Variants in DGKB observed in about 807,000 individuals in gnomAD.
DGKB encodes the protein diacylglycerol kinase beta.
A neutral mutation model predicts 114.3 loss-of-function variants in DGKB; 67 were observed. The observed-to-expected ratio is 0.59, with a 90% CI of 0.48 to 0.72. The LOEUF (loss-of-function observed/expected upper bound fraction) is 0.72. Ranked by LOEUF, DGKB falls within the 30% of genes least tolerant of loss-of-function variation. The pLI is 0.00. For missense variants in DGKB, 907 were observed against 975.2 expected, an observed-to-expected ratio of 0.93 and a Z score of 0.93; for synonymous variants, 398 against 323.1, an observed-to-expected ratio of 1.23 and a Z score of -2.49.
intron 20 of DGKB, among the ~76,000 whole-genome samples, chr7:14,491,602 T>C (rs1784606283): frequency 6.6e-6 from 1 of 152,126 alleles, no homozygotes. Context: ...TAGCATCCAA[T>C]ATTTCCTAAA....
At chr7:14,367,059 A>G (rs114955149) in intron 21 of DGKB, among the ~76,000 whole-genome samples, 35 of 152,262 alleles carry the variant, frequency 2.3e-4, no homozygotes, top group African/African-American at 7.2e-4. Context: ...TTCCCAGGCT[A>G]GAGACATGCG....
At chr7:14,165,336 G>A (rs1784462474) in intron 25 of DGKB, among the ~76,000 whole-genome samples, 1 of 152,120 alleles carries the variant, frequency 6.6e-6, no homozygotes, top group Non-Finnish European at 1.5e-5. Flanking sequence ...TAAAAGAGTG[G>A]TAAGGTTGTA....
At chr7:14,156,480 A>G (rs904443060) in intron 25 of DGKB, among the ~76,000 whole-genome samples, 1 of 152,166 alleles carries the variant, frequency 6.6e-6, no homozygotes, top group Admixed American at 6.6e-5. Flanking sequence ...CCATGTTCCA[A>G]TAAACTCTAT....
intron 21 of DGKB, among the ~76,000 whole-genome samples, chr7:14,464,032 T>C (rs1334407190): frequency 6.6e-6 from 1 of 151,840 alleles, no homozygotes; most frequent in Non-Finnish European, 1.5e-5. Flanking sequence ...AACCAAGCTT[T>C]TTTTTTTTTC....
At chr7:14,791,086 C>T (rs926753923) in intron 2 of DGKB, among the ~76,000 whole-genome samples, 1 of 152,184 alleles carries the variant, frequency 6.6e-6, no homozygotes, top group South Asian at 2.1e-4. Flanking sequence ...CTACCTCTGC[C>T]GCCTTAAATG....
chr7:14,363,114 G>A (rs560817018), intron 21 of DGKB, among the ~76,000 whole-genome samples: 14 of 152,206 alleles, frequency 9.2e-5, no homozygotes, highest in Admixed American at 8.5e-4. Flanking sequence ...GCTGGGCTTC[G>A]CCTCCAGCTC....
chr7:14,663,544 G>T (rs527828885), intron 13 of DGKB, among the ~76,000 whole-genome samples: 1 of 151,590 alleles, frequency 6.6e-6, no homozygotes, highest in Admixed American at 6.6e-5. Flanking sequence ...ACACTTTCTG[G>T]CTATCATTAT....
At chr7:14,688,244 A>G (rs538332224) in intron 9 of DGKB, among the ~76,000 whole-genome samples, 25 of 152,316 alleles carry the variant, frequency 1.6e-4, no homozygotes, top group African/African-American at 5.8e-4. Flanking sequence ...ATTGTCAAAA[A>G]AGGGAATTTA....
At chr7:14,883,910 A>G (rs1437631317) in intron 1 of DGKB, among the ~76,000 whole-genome samples, 1 of 152,034 alleles carries the variant, frequency 6.6e-6, no homozygotes, top group African/African-American at 2.4e-5. Flanking sequence ...AAGACCACCA[A>G]TTAATAAATA....
intron 5 of DGKB, among the ~76,000 whole-genome samples, chr7:14,726,167 T>C (rs1829998959): frequency 6.6e-6 from 1 of 151,854 alleles, no homozygotes; most frequent in Non-Finnish European, 1.5e-5. Flanking sequence ...TGAGATGGAG[T>C]CTCACTCTGT....
intron 23 of DGKB, among the ~76,000 whole-genome samples, chr7:14,336,235 T>C (rs1296614352): frequency 2.0e-5 from 3 of 152,130 alleles, no homozygotes; most frequent in Admixed American, 1.3e-4. Flanking sequence ...TGGTATTCTG[T>C]TGCAAAGTAT....
At chr7:14,940,115 G>A (rs566792211) in intron 1 of DGKB, among the ~76,000 whole-genome samples, 1 of 151,896 alleles carries the variant, frequency 6.6e-6, no homozygotes, top group African/African-American at 2.4e-5. Context: ...AAAAATGATG[G>A]TCTTATTTGA....
chr7:14,884,222 C>T (rs1334251408), intron 1 of DGKB, among the ~76,000 whole-genome samples: 1 of 151,952 alleles, frequency 6.6e-6, no homozygotes, highest in Non-Finnish European at 1.5e-5. Flanking sequence ...CAAATACAAT[C>T]AGACCCTTGT....
At chr7:14,280,488 C>G (rs1395735144) in intron 23 of DGKB, among the ~76,000 whole-genome samples, 1 of 149,462 alleles carries the variant, frequency 6.7e-6, no homozygotes. Context: ...GGCCAACATT[C>G]AGATTCAGGA....
At chr7:14,568,836 T>G (rs1352372924) in intron 20 of DGKB, among the ~76,000 whole-genome samples, 2 of 152,236 alleles carry the variant, frequency 1.3e-5, no homozygotes, top group African/African-American at 4.8e-5. Flanking sequence ...TAAGGGACGA[T>G]AGTTGAAATA....
intron 23 of DGKB, among the ~76,000 whole-genome samples, chr7:14,326,233 A>G (rs763829703): frequency 2.0e-5 from 3 of 152,210 alleles, no homozygotes; most frequent in Non-Finnish European, 4.4e-5. Flanking sequence ...GAAGGAAAGC[A>G]GCCTGGGTAA....
intron 7 of DGKB, among the ~76,000 whole-genome samples, chr7:14,698,784 C>A (rs1234950669): frequency 6.6e-6 from 1 of 152,050 alleles, no homozygotes; most frequent in Non-Finnish European, 1.5e-5. Flanking sequence ...ATACAGATGA[C>A]CTGGCTAAAT....
chr7:14,282,532 T>C (rs1486418726), intron 23 of DGKB, among the ~76,000 whole-genome samples: 2 of 152,004 alleles, frequency 1.3e-5, no homozygotes, highest in Admixed American at 6.6e-5. Flanking sequence ...ATCATTCTGA[T>C]ACCAAAGCCG....
chr7:14,657,940 C>T (rs1816197052), intron 13 of DGKB, among the ~76,000 whole-genome samples: 1 of 151,942 alleles, frequency 6.6e-6, no homozygotes, highest in Non-Finnish European at 1.5e-5. Flanking sequence ...ACACACCATA[C>T]TTCTACTTCC....
Sources: gnomAD v4.1 joint callset for allele counts (sites outside exome capture counted in the v4.1 genomes callset) on GRCh38, gnomAD v4.1.1 for gene constraint, MANE v1.5 for transcripts, NCBI Gene and HGNC (gene_info 2026-07-23, HGNC 2026-07-21) for gene names.